The following SDR42E2 variants were observed in gnomAD, a reference collection of about 807,000 sequenced individuals.
SDR42E2 encodes the protein short chain dehydrogenase/reductase family 42E, member 2, also known as putative short-chain dehydrogenase/reductase family 42E member 2.
Under a neutral mutation model 10.5 loss-of-function variants are expected in SDR42E2, and 20 were observed. That is an observed-to-expected ratio of 1.90 (90% CI 1.34 to 2.77). SDR42E2 has a LOEUF of 2.77. Ranked by LOEUF, SDR42E2 falls within the 30% of genes most tolerant of loss-of-function variation. SDR42E2 has a pLI of 0.00. For missense variants in SDR42E2, 162 were observed against 104.2 expected (o/e 1.55, Z -2.42); for synonymous variants, 72 against 39.2 (o/e 1.84, Z -3.12).
chr16:22,181,441 G>C, intron 8 of SDR42E2, 78 bp from the exon 9 acceptor site: 1 of 698,104 alleles, frequency 1.4e-6, no homozygotes, highest in South Asian at 1.5e-5. Context: ...GCTAGAACCT[G>C]GGGAGTCATC....
At chr16:22,182,723 A>G (rs2142078288) in intron 10 of SDR42E2, among the ~76,000 whole-genome samples, 1 of 152,308 alleles carries the variant, frequency 6.6e-6, no homozygotes, top group South Asian at 2.1e-4. Context: ...CTCTTTGCCC[A>G]GTGAGGTGGC....
At chr16:22,171,072 G>C (rs2046596146) in intron 6 of SDR42E2, 121 bp downstream of exon 6, 3 of 661,112 alleles carry the variant, frequency 4.5e-6, no homozygotes, top group Middle Eastern at 3.6e-4. Flanking sequence ...GCAGGAAGGG[G>C]CTCCCAAAAC....
At chr16:22,177,756 G>A (rs1567242094) in intron 7 of SDR42E2, among the ~76,000 whole-genome samples, 2 of 152,166 alleles carry the variant, frequency 1.3e-5, no homozygotes, top group African/African-American at 4.8e-5. Context: ...GTACTCTCAA[G>A]GGGCATCAAA....
chr16:22,188,626 A>C (rs2046751079), intron 12 of SDR42E2, among the ~76,000 whole-genome samples: 1 of 152,134 alleles, frequency 6.6e-6, no homozygotes, highest in South Asian at 2.1e-4. Flanking sequence ...ATCCACATAA[A>C]ATAGCTGCCA....
chr16:22,181,679 A>C (rs1405676033), intron 9 of SDR42E2, 23 bp downstream of exon 9: 1 of 701,212 alleles, frequency 1.4e-6, no homozygotes, highest in Non-Finnish European at 2.6e-6. Context: ...TGATGCCCCC[A>C]ACCACCTTCC....
chr16:22,184,565 G>A (rs2046722512), intron 11 of SDR42E2, among the ~76,000 whole-genome samples: 1 of 152,190 alleles, frequency 6.6e-6, no homozygotes. Flanking sequence ...TCCCGCCACT[G>A]CACTCCAGAC....
rs577333820 is a variant in SDR42E2 at position 22,176,507 on chromosome 16, T to C, written c.590-1623T>C. ...CCCACAAATATGTACAATTATTATATGGCAATAAAAATAAAAGAAAAATTT... is the reference window on the plus strand; with the variant it reads ...CCCACAAATATGTACAATTATTATACGGCAATAAAAATAAAAGAAAAATTT... On this transcript the variant is annotated intron_variant, in intron 7 of 12. Transcript: ENST00000602312. Among the ~76,000 whole-genome samples the C allele has an allele frequency of 9.3e-4, 142 of 152,332 alleles. 1 individual carries two copies. The highest frequency in any genetic ancestry group is 5.2e-3 in the South Asian group (25 of 4,832).
rs990934823 is a variant in SDR42E2, at chr16:22,190,416, T to C, written c.*23T>C. ...TGACCGTCCGCCGTCCGCCGCCCGC[T>C]AGGGTCGGCCCCGCTGCACCCTCGC... On this transcript the variant is annotated 3_prime_UTR_variant, in exon 13 of 13. Transcript: ENST00000602312. The C allele has an allele frequency of 2.5e-6, 1 of 401,420 alleles. No individual in the cohort carries two copies. The highest frequency in any genetic ancestry group is 4.4e-6 in the Non-Finnish European group (1 of 227,674). The allele number at this position is 401,420 out of a possible 1,614,324, so 24.9% of individuals were successfully genotyped here.
At chr16:22,183,241 G>T (rs1003998381) in intron 10 of SDR42E2, among the ~76,000 whole-genome samples, 6 of 152,108 alleles carry the variant, frequency 3.9e-5, no homozygotes, top group Non-Finnish European at 8.8e-5. Flanking sequence ...TCCTGCCGCA[G>T]CCTCCTGATA....
In SDR42E2 at chr16:22,170,841, C is replaced by A; in HGVS notation, c.403C>A (p.Arg135Ser). 1 of 702,946 alleles carries A rather than the reference C, an allele frequency of 1.4e-6. No homozygotes were observed. The allele number at this position is 702,946 out of a possible 1,614,324, so 43.5% of individuals were successfully genotyped here. A position where few individuals can be genotyped will look rare whatever the true frequency, so the allele number is the denominator to read the frequency against. The change falls in exon 6 of 13, where the codon CGC (arginine) becomes AGC (serine). Residue 135 changes from arginine to serine, a missense_variant. By Grantham distance (110) the Arg-to-Ser change is moderately radical. Transcript: ENST00000602312. Reference sequence around the variant, plus strand: ...TGCACCTGCTGCTGCAGTCTGTGTTCGCCGGCGGGTTCCAAGGCTCATCTA... The same window carrying A: ...TGCACCTGCTGCTGCAGTCTGTGTTAGCCGGCGGGTTCCAAGGCTCATCTA... ...GTKLVIDVCV[R>S]RRVPRLIYTS...
intron 12 of SDR42E2, among the ~76,000 whole-genome samples, chr16:22,189,727 A>G (rs995160372): frequency 1.3e-5 from 2 of 152,270 alleles, no homozygotes; most frequent in Admixed American, 6.5e-5. Context: ...CAGGAAGCCA[A>G]GGTCGTTTCC....
chr16:22,163,004 G>T (rs893560842), intron 1 of SDR42E2, among the ~76,000 whole-genome samples: 2 of 152,148 alleles, frequency 1.3e-5, no homozygotes, highest in Non-Finnish European at 2.9e-5. Flanking sequence ...GCCAGGCACT[G>T]TTCTAGGTGC....
At chr16:22,166,796 C>A in intron 3 of SDR42E2, 108 bp from the exon 4 acceptor site, 1 of 467,260 alleles carries the variant, frequency 2.1e-6, no homozygotes, top group Admixed American at 3.3e-5. Flanking sequence ...AGAGGCTTGG[C>A]CTGGGCTGGG....
chr16:22,173,378 C>T (rs2046616303), intron 7 of SDR42E2, among the ~76,000 whole-genome samples: 1 of 152,030 alleles, frequency 6.6e-6, no homozygotes, highest in Non-Finnish European at 1.5e-5. Context: ...TGCCACCACA[C>T]CTGGCTAATT....
intron 11 of SDR42E2, among the ~76,000 whole-genome samples, chr16:22,184,718 T>C (rs2046723624): frequency 6.6e-6 from 1 of 152,160 alleles, no homozygotes; most frequent in African/African-American, 2.4e-5. Flanking sequence ...AAGCCTGAGT[T>C]TGCACTTGTC....
chr16:22,184,383 C>T (rs2046721056), intron 11 of SDR42E2, 139 bp downstream of exon 11: 1 of 376,688 alleles, frequency 2.7e-6, no homozygotes, highest in African/African-American at 2.1e-5. Flanking sequence ...AGGCAGATCA[C>T]CTGAGATCAG....
Position 22,190,941 on chromosome 16 carries a change from A to G in SDR42E2, c.*548A>G. 1.6e-5 allele frequency: 2 copies of G among 122,396 alleles called. 1 individual carries two copies. Among genetic ancestry groups the G allele is most frequent in the South Asian group, 4.7e-4 (2 of 4,212 alleles). 7.6% of individuals were successfully genotyped at this position (122,396 alleles called of 1,614,324 possible). A position where few individuals can be genotyped will look rare whatever the true frequency, so the allele number is the denominator to read the frequency against. Reference sequence around the variant, plus strand: ...AGAGCCTAGTCCTGAGCCGCTCTCCAGGCCTAACCCCGCCTTCATGTCATA... The same window carrying G: ...AGAGCCTAGTCCTGAGCCGCTCTCCGGGCCTAACCCCGCCTTCATGTCATA... On this transcript the variant is annotated 3_prime_UTR_variant, in exon 13 of 13. Transcript: ENST00000602312.
At chr16:22,165,742 G>C (rs1461705552) in intron 2 of SDR42E2, 105 bp downstream of exon 2, 3 of 401,878 alleles carry the variant, frequency 7.5e-6, no homozygotes, top group African/African-American at 4.1e-5. Flanking sequence ...TGCCATTCCA[G>C]GGCCTGGACT....
chr16:22,174,659 A>G lies in SDR42E2; in HGVS notation c.589+2328A>G, dbSNP rs541980091. 2.6e-5 allele frequency among the ~76,000 whole-genome samples: 4 copies of G among 152,058 alleles called. No homozygotes were observed. In the East Asian group the frequency reaches 5.8e-4, roughly 22 times the overall value. ...AGTTTCAACCTTGTGCAGTTGAATAATATTTTCTCTACCTGGGGCCTCTGC... is the reference window on the plus strand; with the variant it reads ...AGTTTCAACCTTGTGCAGTTGAATAGTATTTTCTCTACCTGGGGCCTCTGC... On this transcript the variant is annotated intron_variant, in intron 7 of 12. Transcript: ENST00000602312.
Sources: allele counts gnomAD v4.1 joint callset (sites outside exome capture counted in the v4.1 genomes callset), GRCh38; gene constraint gnomAD v4.1.1; transcripts MANE v1.5; gene names NCBI Gene and HGNC (gene_info 2026-07-23, HGNC 2026-07-21).